CSMD1: variants seen among roughly 807,000 people sequenced by gnomAD.
The protein encoded by CSMD1 is CUB and sushi domain-containing protein 1.
A neutral mutation model predicts 417.5 loss-of-function variants in CSMD1; 213 were observed. That is an observed-to-expected ratio of 0.51 (90% CI 0.46 to 0.57). The LOEUF is 0.57. Among genes scored for constraint, CSMD1 ranks in the 20% least tolerant of loss-of-function variants. CSMD1 has a pLI of 0.00. For synonymous variants in CSMD1, 2,862 were observed against 1,736.8 expected (o/e 1.65, Z -16.11); for missense variants, 6,923 against 4,529.7 (o/e 1.53, Z -15.17).
chr8:3,146,248 G>C (rs1164182973), intron 40 of CSMD1, among the ~76,000 whole-genome samples: 1 of 151,980 alleles, frequency 6.6e-6, no homozygotes, highest in Non-Finnish European at 1.5e-5. Flanking sequence ...TGTGCCCTTA[G>C]ACACTCTCAA....
At chr8:4,222,152 T>A (rs1801069556) in intron 3 of CSMD1, among the ~76,000 whole-genome samples, 1 of 151,840 alleles carries the variant, frequency 6.6e-6, no homozygotes, top group African/African-American at 2.4e-5. Context: ...CACAGAGCCT[T>A]ACCACCATCT....
At chr8:4,983,576 G>A (rs558908540) in intron 1 of CSMD1, among the ~76,000 whole-genome samples, 16 of 152,130 alleles carry the variant, frequency 1.1e-4, no homozygotes, top group Non-Finnish European at 1.8e-4. Flanking sequence ...AGGCTGGAAG[G>A]CAGTGGTGCA....
chr8:4,701,473 C>T (rs1418677470), intron 1 of CSMD1, among the ~76,000 whole-genome samples: 2 of 152,074 alleles, frequency 1.3e-5, no homozygotes, highest in South Asian at 2.1e-4. Context: ...AGTACTCCTC[C>T]TCCCCGACCC....
chr8:3,811,712 T>A (rs1029749787), intron 5 of CSMD1, among the ~76,000 whole-genome samples: 1 of 152,090 alleles, frequency 6.6e-6, no homozygotes. Flanking sequence ...GTAGGAAAAT[T>A]GTGAAAGCGG....
At chr8:4,488,572 A>G (rs756309481) in intron 2 of CSMD1, among the ~76,000 whole-genome samples, 13 of 152,122 alleles carry the variant, frequency 8.5e-5, no homozygotes, top group African/African-American at 2.7e-4. Context: ...CCAAAAATTT[A>G]TCTCCAGATT....
chr8:4,225,887 T>G lies in CSMD1; in HGVS notation c.416-193788A>C, dbSNP rs375941263. On this transcript the variant is annotated intron_variant, in intron 3 of 69. Transcript: ENST00000635120. The stretch of plus-strand genomic sequence containing the variant: ...TGTGCATATATTTGGATTCTTCTAT[T>G]AAGATTGTAATTAATTATAATTGTC... Among the ~76,000 whole-genome samples, 220 of 152,316 alleles carry G rather than the reference T, an allele frequency of 1.4e-3. 1 individual carries two copies. The highest frequency in any genetic ancestry group is 5.1e-3 in the African/African-American group (211 of 41,552).
intron 1 of CSMD1, among the ~76,000 whole-genome samples, chr8:4,899,837 T>A (rs1371159937): frequency 6.6e-6 from 1 of 151,874 alleles, no homozygotes; most frequent in Non-Finnish European, 1.5e-5. Context: ...AATAAGCAGG[T>A]CTTGCAGATA....
At chr8:4,333,417 C>G (rs938672494) in intron 3 of CSMD1, among the ~76,000 whole-genome samples, 2 of 152,110 alleles carry the variant, frequency 1.3e-5, no homozygotes, top group Non-Finnish European at 2.9e-5. Flanking sequence ...CCTCAACTAC[C>G]TGTTGCCTAT....
rs565800538 is a variant in CSMD1 at position 4,278,637 on chromosome 8, A to T, written c.415+141316T>A. On this transcript the variant is annotated intron_variant, in intron 3 of 69. Coordinates refer to ENST00000635120, the MANE Select transcript of CSMD1 (RefSeq NM_033225.6). ...ATGGAAACTCAAATTTTAGCTACGA[A>T]TTCAACATAAAGTGTAGCTTTTTAT... Among the ~76,000 whole-genome samples the T allele has an allele frequency of 2.6e-5, 4 of 152,334 alleles. No individual in the cohort carries two copies. In the South Asian group the frequency reaches 8.3e-4, roughly 32 times the overall value.
At chr8:4,311,520 C>T (rs1036924054) in intron 3 of CSMD1, among the ~76,000 whole-genome samples, 7 of 152,014 alleles carry the variant, frequency 4.6e-5, no homozygotes, top group South Asian at 2.1e-4. Flanking sequence ...ATCAGGAGTT[C>T]GAGACCAGCC....
intron 5 of CSMD1, among the ~76,000 whole-genome samples, chr8:3,847,020 T>G (rs566361825): frequency 6.6e-6 from 1 of 152,062 alleles, no homozygotes; most frequent in Admixed American, 6.6e-5. Context: ...CCACAGCAGA[T>G]CAGATGATGC....
At chr8:4,279,153 A>C (rs184736746) in intron 3 of CSMD1, among the ~76,000 whole-genome samples, 14 of 152,258 alleles carry the variant, frequency 9.2e-5, no homozygotes, top group Non-Finnish European at 1.5e-4. Context: ...CGTGCAAAGG[A>C]AATTATTCCC....
chr8:3,948,386 T>C (rs575803977), intron 5 of CSMD1, among the ~76,000 whole-genome samples: 1 of 152,280 alleles, frequency 6.6e-6, no homozygotes, highest in South Asian at 2.1e-4. Flanking sequence ...CACTGATGCA[T>C]ACAGGAGAGG....
intron 2 of CSMD1, among the ~76,000 whole-genome samples, chr8:4,441,802 AT>A (rs1300327066): frequency 6.6e-6 from 1 of 152,138 alleles, no homozygotes. Context: ...GATAAATCAA[AT>A]AAGGTTCAAT....
chr8:3,300,991 A>T (rs1804356854), intron 25 of CSMD1, among the ~76,000 whole-genome samples: 1 of 151,350 alleles, frequency 6.6e-6, no homozygotes, highest in Non-Finnish European at 1.5e-5. Context: ...AGAGAAAGAA[A>T]AATTAGAAAT....
chr8:4,403,349 T>C lies in CSMD1; in HGVS notation c.415+16604A>G, dbSNP rs559209838. ...ACATTTCATTTTAGAACAAAACTCC[T>C]TATAAGGAAGTCTCTACTTGACCTC... On this transcript the variant is annotated intron_variant, in intron 3 of 69. Coordinates refer to ENST00000635120, the MANE Select transcript of CSMD1 (RefSeq NM_033225.6). Among the ~76,000 whole-genome samples, 4 of 152,278 alleles carry C rather than the reference T, an allele frequency of 2.6e-5. No homozygotes were observed. The South Asian group carries it at 6.2e-4, about 24-fold the overall frequency.
chr8:4,729,578 G>A (rs566592295), intron 1 of CSMD1, among the ~76,000 whole-genome samples: 1 of 152,138 alleles, frequency 6.6e-6, no homozygotes, highest in Admixed American at 6.5e-5. Flanking sequence ...GATATTGCTA[G>A]AGAAACATAT....
chr8:3,284,410 T>C, intron 25 of CSMD1, 64 bp from the exon 26 acceptor site: 2 of 1,261,804 alleles, frequency 1.6e-6, no homozygotes, highest in Non-Finnish European at 2.3e-6. Flanking sequence ...CCCATAGCTG[T>C]AAAGTAAGCA....
intron 10 of CSMD1, among the ~76,000 whole-genome samples, chr8:3,497,332 G>C (rs764913651): frequency 1.3e-5 from 2 of 152,054 alleles, no homozygotes; most frequent in Non-Finnish European, 2.9e-5. Context: ...CTGGTGTTGG[G>C]TGCATATATG....
Sources: gnomAD v4.1 joint callset for allele counts (sites outside exome capture counted in the v4.1 genomes callset) on GRCh38, gnomAD v4.1.1 for gene constraint, MANE v1.5 for transcripts, NCBI Gene and HGNC (gene_info 2026-07-23, HGNC 2026-07-21) for gene names.